IL1RAPL1: variants seen among roughly 807,000 people sequenced by gnomAD.
IL1RAPL1 encodes interleukin 1 receptor accessory protein like 1, also known as interleukin-1 receptor accessory protein-like 1.
Under a neutral mutation model 48.4 loss-of-function variants are expected in IL1RAPL1, and 3 were observed. The observed-to-expected ratio is 0.06, with a 90% CI of 0.03 to 0.16. The LOEUF (loss-of-function observed/expected upper bound fraction) is 0.16. Among genes scored for constraint, IL1RAPL1 ranks in the 10% least tolerant of loss-of-function variants. The pLI is 1.00. For missense variants in IL1RAPL1, 349 were observed against 530.6 expected (o/e 0.66, Z 3.36); for synonymous variants, 185 against 187.7 (o/e 0.99, Z 0.12).
At chrX:29,838,048 G>A (rs1931055991) in intron 6 of IL1RAPL1, among the ~76,000 whole-genome samples, 1 of 111,474 alleles carries the variant, frequency 9.0e-6, no homozygotes, top group African/African-American at 3.3e-5. Context: ...AAATCCTTAG[G>A]GGCCAACAAT....
intron 6 of IL1RAPL1, among the ~76,000 whole-genome samples, chrX:29,677,578 G>A (rs1356872392): frequency 8.9e-6 from 1 of 111,916 alleles, no homozygotes; most frequent in African/African-American, 3.2e-5. Flanking sequence ...CTGTGGTAAT[G>A]CAGATTTTTA....
intron 2 of IL1RAPL1, among the ~76,000 whole-genome samples, chrX:28,908,848 T>G (rs1923287317): frequency 8.9e-6 from 1 of 111,864 alleles, no homozygotes; most frequent in Non-Finnish European, 1.9e-5. Flanking sequence ...TATCAGCTTT[T>G]GCCTCGTGTA....
chrX:29,677,066 C>CCA (rs1926308288), intron 6 of IL1RAPL1, among the ~76,000 whole-genome samples: 1 of 111,619 alleles, frequency 9.0e-6, no homozygotes, highest in Admixed American at 9.5e-5. Flanking sequence ...TGACTGATGT[C>CCA]CATTAAAATA....
intron 3 of IL1RAPL1, among the ~76,000 whole-genome samples, chrX:29,334,850 C>G (rs1320995431): frequency 1.2e-4 from 14 of 112,285 alleles, no homozygotes; most frequent in Non-Finnish European, 2.3e-4. Context: ...CAGGCAGAGA[C>G]GCTCCTCACT....
chrX:29,351,383 A>G (rs1933228408), intron 3 of IL1RAPL1, among the ~76,000 whole-genome samples: 1 of 111,502 alleles, frequency 9.0e-6, no homozygotes, highest in African/African-American at 3.3e-5. Context: ...TATTTCCTTA[A>G]GTGTTATATG....
intron 5 of IL1RAPL1, among the ~76,000 whole-genome samples, chrX:29,549,259 C>T (rs1453766521): frequency 9.0e-6 from 1 of 111,113 alleles, no homozygotes; most frequent in Non-Finnish European, 1.9e-5. Context: ...TTGTCCTACC[C>T]GGGACATAAA....
intron 2 of IL1RAPL1, among the ~76,000 whole-genome samples, chrX:29,244,452 A>G (rs1931473773): frequency 8.9e-6 from 1 of 112,278 alleles, no homozygotes; most frequent in African/African-American, 3.2e-5. Flanking sequence ...TGATGGGAGA[A>G]TTACTCTATT....
chrX:28,894,557 T>C (rs1395488896), intron 2 of IL1RAPL1, among the ~76,000 whole-genome samples: 6 of 111,359 alleles, frequency 5.4e-5, no homozygotes, highest in African/African-American at 2.0e-4. Flanking sequence ...AGAGTGAATA[T>C]AGCTGAAGGA....
chrX:29,154,557 A>C (rs1044686370), intron 2 of IL1RAPL1, among the ~76,000 whole-genome samples: 1 of 110,838 alleles, frequency 9.0e-6, no homozygotes, highest in East Asian at 2.8e-4. Flanking sequence ...AAAATTGTGG[A>C]GTCCAAACTG....
At chrX:29,652,583 C>T (rs964337890) in intron 5 of IL1RAPL1, among the ~76,000 whole-genome samples, 3 of 111,765 alleles carry the variant, frequency 2.7e-5, no homozygotes, top group Non-Finnish European at 3.8e-5. Flanking sequence ...CCAGACTTTA[C>T]AGGAGCATGA....
intron 2 of IL1RAPL1, among the ~76,000 whole-genome samples, chrX:28,996,761 T>C (rs1487559600): frequency 9.0e-6 from 1 of 111,240 alleles, no homozygotes; most frequent in Non-Finnish European, 1.9e-5. Context: ...CACAATCTGA[T>C]TGTAGCCGTC....
chrX:29,239,880 T>C (rs1224519991), intron 2 of IL1RAPL1, among the ~76,000 whole-genome samples: 1 of 110,225 alleles, frequency 9.1e-6, no homozygotes, highest in Non-Finnish European at 1.9e-5. Context: ...TATGGCACCT[T>C]TCTTCAATCT....
At chrX:29,530,447 G>A (rs1342605290) in intron 5 of IL1RAPL1, among the ~76,000 whole-genome samples, 1 of 111,594 alleles carries the variant, frequency 9.0e-6, no homozygotes, top group Non-Finnish European at 1.9e-5. Flanking sequence ...AATCCTGGTG[G>A]GGAAATCTAG....
intron 2 of IL1RAPL1, among the ~76,000 whole-genome samples, chrX:28,796,656 G>A (rs918889524): frequency 1.8e-5 from 2 of 111,512 alleles, no homozygotes; most frequent in Non-Finnish European, 3.8e-5. Context: ...CTCTACCCCC[G>A]TGGCTTTGCA....
intron 2 of IL1RAPL1, among the ~76,000 whole-genome samples, chrX:29,213,288 G>A (rs913972985): frequency 2.7e-5 from 3 of 112,141 alleles, no homozygotes; most frequent in Non-Finnish European, 3.8e-5. Flanking sequence ...GTGAGCCACC[G>A]CGCCTGGCCA....
intron 5 of IL1RAPL1, among the ~76,000 whole-genome samples, chrX:29,448,178 T>C (rs1022182585): frequency 9.0e-6 from 1 of 111,357 alleles, no homozygotes; most frequent in Non-Finnish European, 1.9e-5. Flanking sequence ...TTAGAAAGAT[T>C]CTTATATTGT....
chrX:29,228,347 G>A (rs1931126845), intron 2 of IL1RAPL1, among the ~76,000 whole-genome samples: 1 of 100,935 alleles, frequency 9.9e-6, no homozygotes, highest in African/African-American at 3.7e-5. Context: ...GTGTGTGTGT[G>A]TGTGTGTGTG....
chrX:29,025,830 G>A (rs1448954195), intron 2 of IL1RAPL1, among the ~76,000 whole-genome samples: 2 of 111,370 alleles, frequency 1.8e-5, no homozygotes, highest in Non-Finnish European at 3.8e-5. Flanking sequence ...GAATAATAGC[G>A]ATGTGTTGTG....
intron 5 of IL1RAPL1, among the ~76,000 whole-genome samples, chrX:29,577,238 C>T (rs1602306406): frequency 9.0e-6 from 1 of 111,512 alleles, no homozygotes; most frequent in South Asian, 3.7e-4. Context: ...TTTTATACTG[C>T]AGATAATTTA....
Sources: gnomAD v4.1 joint callset for allele counts (sites outside exome capture counted in the v4.1 genomes callset) on GRCh38, gnomAD v4.1.1 for gene constraint, MANE v1.5 for transcripts, NCBI Gene and HGNC (gene_info 2026-07-23, HGNC 2026-07-21) for gene names.